Variants in ANK3 observed in about 807,000 individuals in gnomAD.
The protein encoded by ANK3 is ankyrin 3.
A neutral mutation model predicts 370.9 loss-of-function variants in ANK3; 57 were observed. The observed-to-expected ratio is 0.15, with a 90% confidence interval of 0.12 to 0.19. The LOEUF (loss-of-function observed/expected upper bound fraction) is 0.19. Ranked by LOEUF, ANK3 falls within the 10% of genes least tolerant of loss-of-function variation. The pLI is 1.00. For missense variants in ANK3, 4,439 were observed against 5,302.1 expected, an observed-to-expected ratio of 0.84 and a Z score of 5.06; for synonymous variants, 1,929 against 1,946.3, an observed-to-expected ratio of 0.99 and a Z score of 0.23.
At chr10:60,364,414 A>C (rs2059111955) in intron 1 of ANK3, among the ~76,000 whole-genome samples, 2 of 152,116 alleles carry the variant, frequency 1.3e-5, no homozygotes, top group Non-Finnish European at 2.9e-5. Context: ...AGAATGATAA[A>C]CCATCATTCT....
intron 2 of ANK3, among the ~76,000 whole-genome samples, chr10:60,424,434 A>G (rs2132959600): frequency 6.6e-6 from 1 of 152,238 alleles, no homozygotes; most frequent in East Asian, 1.9e-4. Context: ...ACAGTATTCA[A>G]AGATAGAGAT....
chr10:60,112,538 A>T (rs558466204), intron 26 of ANK3, among the ~76,000 whole-genome samples: 11 of 152,362 alleles, frequency 7.2e-5, no homozygotes, highest in African/African-American at 2.6e-4. Context: ...CATGTCAATT[A>T]TTCCCATTTG....
At chr10:60,696,462 T>C (rs1386946145) in intron 1 of ANK3, among the ~76,000 whole-genome samples, 1 of 151,360 alleles carries the variant, frequency 6.6e-6, no homozygotes, top group African/African-American at 2.4e-5. Flanking sequence ...AAGAGAATTT[T>C]AGACCAATAT....
At chr10:60,625,268 A>G (rs935307486) in intron 1 of ANK3, among the ~76,000 whole-genome samples, 2 of 152,160 alleles carry the variant, frequency 1.3e-5, no homozygotes, top group Admixed American at 6.6e-5. Flanking sequence ...CTGCACACAC[A>G]CAAGAGACAA....
intron 2 of ANK3, among the ~76,000 whole-genome samples, chr10:60,574,084 C>T (rs1393945126): frequency 6.6e-6 from 1 of 152,084 alleles, no homozygotes; most frequent in Non-Finnish European, 1.5e-5. Context: ...GGACATGACG[C>T]TAAAATATTA....
At chr10:60,562,627 C>T (rs10740032) in intron 2 of ANK3, among the ~76,000 whole-genome samples, 102,787 of 151,992 alleles carry the variant, frequency 0.68, 35,507 homozygotes, top group South Asian at 0.88. Flanking sequence ...GGTTTAAATA[C>T]GCTTTGTTTC....
At chr10:60,081,987 G>C in intron 35 of ANK3, 163 bp downstream of exon 35, 1 of 469,546 alleles carries the variant, frequency 2.1e-6, no homozygotes, top group South Asian at 4.7e-5. Context: ...ACGTGTGGAA[G>C]AAGAGTGAAC....
Position 60,068,790 on chromosome 10 carries a change from T to C in ANK3, c.12091A>G (p.Ser4031Gly). Residue 4031 changes from serine to glycine, a missense_variant, in exon 37 of 44, where the codon AGT (serine) becomes GGT (glycine). Transcript: ENST00000280772. ...MQSELSDEEESTSRNTSLSET... is the reference protein window; with the variant it reads ...MQSELSDEEEGTSRNTSLSET... ...GACAACGACGTGTTTCTTGAGGTAC[T>C]TTCTTCCTCATCGGACAACTCGGAC... The C allele has an allele frequency of 6.2e-7, 1 of 1,614,234 alleles. No individual in the cohort carries two copies. Among genetic ancestry groups the C allele is most frequent in the Non-Finnish European group, 8.5e-7 (1 of 1,180,034 alleles).
intron 2 of ANK3, among the ~76,000 whole-genome samples, chr10:60,504,733 A>G (rs915705369): frequency 6.6e-6 from 1 of 152,218 alleles, no homozygotes; most frequent in Non-Finnish European, 1.5e-5. Flanking sequence ...AATAAGAAAA[A>G]TGTAGAATAC....
intron 2 of ANK3, among the ~76,000 whole-genome samples, chr10:60,519,052 G>A (rs1318880445): frequency 6.6e-6 from 1 of 152,128 alleles, no homozygotes; most frequent in Non-Finnish European, 1.5e-5. Context: ...AGATGCTGGA[G>A]AGCACAGTAA....
chr10:60,475,409 G>A (rs375019108), intron 2 of ANK3, among the ~76,000 whole-genome samples: 10 of 152,124 alleles, frequency 6.6e-5, no homozygotes, highest in Middle Eastern at 3.4e-3. Flanking sequence ...TGTTCCTTGC[G>A]TCCATAAATT....
intron 2 of ANK3, among the ~76,000 whole-genome samples, chr10:60,541,078 GCATGCAACCATGAGCAAAACACA>G: frequency 6.6e-6 from 1 of 151,964 alleles, no homozygotes; most frequent in South Asian, 2.1e-4. Context: ...ACATGTATTG[GCATGCAACCATGAGCAAAACACA>G]CTGACAAATG....
intron 1 of ANK3, among the ~76,000 whole-genome samples, chr10:60,319,746 C>G (rs770202152): frequency 5.9e-5 from 9 of 152,060 alleles, no homozygotes; most frequent in Non-Finnish European, 1.2e-4. Flanking sequence ...TACTTGGCCA[C>G]AAAAATCTAA....
rs911400083 is a variant in ANK3, at chr10:60,154,024, C to T, written c.2614+12567G>A. On this transcript the variant is annotated intron_variant, in intron 23 of 43. Transcript: ENST00000280772. ...TACCAAGCAGTATACTAGGTTCTTGCGATAAAACAGAGAATAAGATTTAGT... is the reference window on the plus strand; with the variant it reads ...TACCAAGCAGTATACTAGGTTCTTGTGATAAAACAGAGAATAAGATTTAGT... Among the ~76,000 whole-genome samples the T allele has an allele frequency of 6.6e-5, 10 of 152,064 alleles. No homozygotes were observed. In the South Asian group the frequency reaches 1.0e-3, roughly 16 times the overall value.
intron 2 of ANK3, among the ~76,000 whole-genome samples, chr10:60,493,751 A>G (rs1023763842): frequency 6.6e-6 from 1 of 152,118 alleles, no homozygotes; most frequent in Non-Finnish European, 1.5e-5. Flanking sequence ...GGCTATATAG[A>G]GATGTAAGAA....
At chr10:60,324,801 A>G (rs1226275491) in intron 1 of ANK3, among the ~76,000 whole-genome samples, 1 of 152,182 alleles carries the variant, frequency 6.6e-6, no homozygotes, top group Non-Finnish European at 1.5e-5. Flanking sequence ...AAGGTCATTG[A>G]GCAGTAAAGT....
intron 40 of ANK3, chr10:60,060,111 A>AATT: frequency 1.2e-6 from 1 of 808,552 alleles, no homozygotes; most frequent in South Asian, 2.7e-5. Flanking sequence ...ATGTATGATG[A>AATT]ATTACAGATT....
chr10:60,536,554 G>T (rs942519584), intron 2 of ANK3, among the ~76,000 whole-genome samples: 3 of 151,950 alleles, frequency 2.0e-5, no homozygotes, highest in East Asian at 1.9e-4. Context: ...GGAGAGGAAC[G>T]TTCTTTTCTG....
In ANK3 at chr10:60,396,879, C is replaced by G. The variant is rs979255938; in HGVS notation, c.97-117240G>C. ...TAACATGAAAGGAATTCTTAACTCT[C>G]CCAACATACACGCTGTGATGCTGAA... On this transcript the variant is annotated intron_variant, in intron 2 of 43. Transcript: ENST00000373827. Among the ~76,000 whole-genome samples the G allele has an allele frequency of 2.0e-5, 3 of 152,264 alleles. 1 individual carries two copies. The South Asian group carries it at 6.2e-4, about 32-fold the overall frequency.
Sources: allele counts gnomAD v4.1 joint callset (sites outside exome capture counted in the v4.1 genomes callset), GRCh38; gene constraint gnomAD v4.1.1; transcripts MANE v1.5; gene names NCBI Gene and HGNC (gene_info 2026-07-23, HGNC 2026-07-21).